Variants in GKAP1 observed in about 807,000 individuals in gnomAD.
GKAP1 encodes the protein G kinase anchoring protein 1, also known as G kinase-anchoring protein 1.
GKAP1 carries 31 observed loss-of-function variants against 56.7 expected under a neutral mutation model. That is an observed-to-expected ratio of 0.55 (90% CI 0.41 to 0.74). GKAP1 has a LOEUF of 0.74. Among genes scored for constraint, GKAP1 ranks in the 30% least tolerant of loss-of-function variants. The probability of loss-of-function intolerance (pLI) is 0.00; values close to 1 mark genes in which losing one functional copy is unlikely to be tolerated. For missense variants in GKAP1, 364 were observed against 402.3 expected (o/e 0.90, Z 0.82); for synonymous variants, 151 against 138.6 (o/e 1.09, Z -0.63).
intron 10 of GKAP1, among the ~76,000 whole-genome samples, chr9:83,746,875 T>C (rs79059117): frequency 0.012 from 1,849 of 152,342 alleles, 39 homozygotes; most frequent in African/African-American, 0.04. Flanking sequence ...CCACAATTGA[T>C]TGATCCACAG....
chr9:83,787,601 T>C (rs1415782225), intron 5 of GKAP1, among the ~76,000 whole-genome samples: 2 of 152,200 alleles, frequency 1.3e-5, no homozygotes, highest in African/African-American at 4.8e-5. Context: ...CCAGAGGCCA[T>C]TTATGATCAA....
chr9:83,789,538 A>G (rs1400097782), intron 4 of GKAP1, among the ~76,000 whole-genome samples: 1 of 152,176 alleles, frequency 6.6e-6, no homozygotes, highest in East Asian at 1.9e-4. Flanking sequence ...TTTAGTGGGC[A>G]TCTCTTGTTT....
At chr9:83,745,963 G>C (rs970509525) in intron 10 of GKAP1, among the ~76,000 whole-genome samples, 1 of 151,884 alleles carries the variant, frequency 6.6e-6, no homozygotes, top group South Asian at 2.1e-4. Context: ...GCTAATTTTT[G>C]TATTTTTAGT....
chr9:83,813,198 A>C (rs762725910), intron 2 of GKAP1, among the ~76,000 whole-genome samples: 5 of 152,180 alleles, frequency 3.3e-5, no homozygotes, highest in African/African-American at 4.8e-5. Context: ...TCTCCTTCAA[A>C]TACACTTGGT....
intron 4 of GKAP1, chr9:83,793,084 G>A: frequency 1.3e-6 from 1 of 769,986 alleles, no homozygotes; most frequent in Non-Finnish European, 1.8e-6. Flanking sequence ...AGAGTATGAA[G>A]AACCAATGAA....
intron 4 of GKAP1, among the ~76,000 whole-genome samples, chr9:83,791,600 T>C (rs1471215461): frequency 3.3e-5 from 5 of 152,212 alleles, no homozygotes; most frequent in Non-Finnish European, 2.9e-5. Flanking sequence ...TTCCAAAAAT[T>C]TCATTGTATG....
rs200000633 is a variant in GKAP1 at position 83,812,218 on chromosome 9, TAC to T, written c.-44+4776_-44+4777del. Among the ~76,000 whole-genome samples the T allele has an allele frequency of 8.3e-3, 1,231 of 148,008 alleles. 26 individuals carry two copies. Among genetic ancestry groups the T allele is most frequent in the African/African-American group, 0.028 (1,127 of 40,210 alleles). On this transcript the variant is annotated intron_variant, in intron 2 of 12. Transcript: ENST00000376371. ...ACACATATATATACACATACATACATACACACACACATGTATACATATATACG... is the reference window on the plus strand; with the variant it reads ...ACACATATATATACACATACATACATACACACACATGTATACATATATACG...
At chr9:83,803,378 G>C (rs562837677) in intron 3 of GKAP1, among the ~76,000 whole-genome samples, 1 of 152,042 alleles carries the variant, frequency 6.6e-6, no homozygotes, top group Non-Finnish European at 1.5e-5. Flanking sequence ...TCAGCCTGCC[G>C]AGTGCCTGCG....
intron 12 of GKAP1, among the ~76,000 whole-genome samples, chr9:83,741,486 A>G (rs867611318): frequency 1.3e-5 from 2 of 152,078 alleles, no homozygotes; most frequent in Admixed American, 6.6e-5. Flanking sequence ...GAAAATCACT[A>G]TTTTGCAATC....
chr9:83,799,167 T>G lies in GKAP1; in HGVS notation c.360+18A>C. 1 of 1,609,202 alleles carries G rather than the reference T, an allele frequency of 6.2e-7. No individual in the cohort carries two copies. The highest frequency in any genetic ancestry group is 8.5e-7 in the Non-Finnish European group (1 of 1,177,134). ...AAATTCAATGAAAAACAAAGCAATT[T>G]TATTTACTTAGTTGTACCTGCTCAT... On this transcript the variant is annotated intron_variant, in intron 4 of 12. Coordinates refer to ENST00000376371, the MANE Select transcript of GKAP1 (RefSeq NM_025211.4).
chr9:83,741,360 T>TCTCACA (rs570778611), intron 12 of GKAP1, among the ~76,000 whole-genome samples: 1 of 48,654 alleles, frequency 2.1e-5, no homozygotes, highest in East Asian at 4.0e-4. Context: ...AATATATCTC[T>TCTCACA]CACACACACA....
intron 2 of GKAP1, among the ~76,000 whole-genome samples, chr9:83,816,194 A>C (rs552778691): frequency 6.7e-6 from 1 of 150,010 alleles, no homozygotes; most frequent in South Asian, 2.1e-4. Context: ...CGCCTCAAGA[A>C]AAAAAAAAAA....
chr9:83,767,585 C>CTCG (rs1459378119), intron 8 of GKAP1, among the ~76,000 whole-genome samples: 2 of 152,158 alleles, frequency 1.3e-5, no homozygotes, highest in Non-Finnish European at 2.9e-5. Flanking sequence ...TGGTCTCGAA[C>CTCG]TCCTGACCTC....
At chr9:83,764,129 G>T (rs1943621755) in intron 8 of GKAP1, among the ~76,000 whole-genome samples, 1 of 152,128 alleles carries the variant, frequency 6.6e-6, no homozygotes, top group South Asian at 2.1e-4. Flanking sequence ...AGGAAGAAGT[G>T]AATATGCTAA....
chr9:83,812,358 TA>T (rs948615129), intron 2 of GKAP1, among the ~76,000 whole-genome samples: 4 of 148,338 alleles, frequency 2.7e-5, no homozygotes, highest in South Asian at 2.1e-4. Flanking sequence ...TATATATATA[TA>T]TTTTTTTTTA....
At chr9:83,780,514 A>G in intron 6 of GKAP1, 110 bp from the exon 7 acceptor site, 1 of 595,882 alleles carries the variant, frequency 1.7e-6, no homozygotes, top group Non-Finnish European at 2.9e-6. Context: ...ATTATCTCCT[A>G]TGAGTTATAG....
intron 8 of GKAP1, among the ~76,000 whole-genome samples, chr9:83,756,623 A>G (rs542401039): frequency 2.5e-4 from 38 of 152,276 alleles, no homozygotes; most frequent in Non-Finnish European, 4.7e-4. Context: ...ACACCAAATT[A>G]TCAGTACTGT....
At chr9:83,782,091 C>T (rs1943983339) in intron 6 of GKAP1, among the ~76,000 whole-genome samples, 1 of 152,038 alleles carries the variant, frequency 6.6e-6, no homozygotes, top group Non-Finnish European at 1.5e-5. Context: ...ATCCGCCCAC[C>T]TCGGCCTCCC....
At chr9:83,751,536 A>G (rs1476426580) in intron 9 of GKAP1, among the ~76,000 whole-genome samples, 1 of 152,168 alleles carries the variant, frequency 6.6e-6, no homozygotes, top group East Asian at 1.9e-4. Context: ...GGTGCAGTCA[A>G]AAAAAGTTTT....
Sources: gnomAD v4.1 joint callset for allele counts (sites outside exome capture counted in the v4.1 genomes callset) on GRCh38, gnomAD v4.1.1 for gene constraint, MANE v1.5 for transcripts, NCBI Gene and HGNC (gene_info 2026-07-23, HGNC 2026-07-21) for gene names.